Variants in TACR1 observed in about 807,000 individuals in gnomAD.
TACR1 encodes the protein tachykinin receptor 1.
Under a neutral mutation model 35.8 loss-of-function variants are expected in TACR1, and 25 were observed. That is an observed-to-expected ratio of 0.70 (90% CI 0.51 to 0.98). The LOEUF is 0.98. Among genes scored for constraint, TACR1 ranks in the 50% least tolerant of loss-of-function variants. The pLI, the probability that TACR1 is intolerant of heterozygous loss-of-function variation, is 0.00. For synonymous variants in TACR1, 195 were observed against 206.7 expected, an observed-to-expected ratio of 0.94 and a Z score of 0.48; for missense variants, 478 against 522.9, an observed-to-expected ratio of 0.91 and a Z score of 0.84.
At chr2:75,164,395 T>C (rs1307236408) in intron 1 of TACR1, among the ~76,000 whole-genome samples, 1 of 147,672 alleles carries the variant, frequency 6.8e-6, no homozygotes, top group Non-Finnish European at 1.5e-5. Context: ...AATAGAAAAA[T>C]AATTATGACT....
intron 2 of TACR1, among the ~76,000 whole-genome samples, chr2:75,099,453 T>C (rs761983234): frequency 6.7e-6 from 1 of 149,288 alleles, no homozygotes; most frequent in African/African-American, 2.6e-5. Flanking sequence ...CCTCAGACTC[T>C]TCATGTTTTC....
intron 1 of TACR1, chr2:75,188,250 T>C (rs910155492): frequency 9.9e-5 from 15 of 152,234 alleles, no homozygotes; most frequent in Non-Finnish European, 4.4e-5. Flanking sequence ...GTCAGACAAA[T>C]TCTTTTATGA....
intron 1 of TACR1, among the ~76,000 whole-genome samples, chr2:75,159,472 GA>G (rs1674947268): frequency 6.6e-6 from 1 of 152,110 alleles, no homozygotes; most frequent in East Asian, 1.9e-4. Flanking sequence ...GAAACTCCGA[GA>G]ATTCCTCAGT....
intron 1 of TACR1, among the ~76,000 whole-genome samples, chr2:75,174,638 A>G (rs2104026219): frequency 6.6e-6 from 1 of 152,374 alleles, no homozygotes; most frequent in Non-Finnish European, 1.5e-5. Flanking sequence ...AGGGGGGACT[A>G]TTGTAATAGC....
intron 3 of TACR1, among the ~76,000 whole-genome samples, chr2:75,053,154 C>A (rs946397351): frequency 6.6e-6 from 1 of 152,184 alleles, no homozygotes; most frequent in Admixed American, 6.5e-5. Flanking sequence ...AAGAAACTCA[C>A]TCACGCTCTC....
At chr2:75,165,262 C>T (rs1175117310) in intron 1 of TACR1, among the ~76,000 whole-genome samples, 1 of 152,152 alleles carries the variant, frequency 6.6e-6, no homozygotes, top group Admixed American at 6.5e-5. Flanking sequence ...ACTCAAGGGA[C>T]GATGCCCACT....
intron 2 of TACR1, among the ~76,000 whole-genome samples, chr2:75,058,494 T>C (rs1414529511): frequency 2.6e-5 from 4 of 152,148 alleles, no homozygotes; most frequent in African/African-American, 7.2e-5. Context: ...GGGTTAAGGA[T>C]GCACTATAAG....
intron 1 of TACR1, among the ~76,000 whole-genome samples, chr2:75,143,757 C>A (rs933659283): frequency 3.9e-5 from 6 of 152,168 alleles, no homozygotes; most frequent in Admixed American, 1.3e-4. Context: ...AGTATTTGGA[C>A]CCAAGGAGAC....
intron 1 of TACR1, among the ~76,000 whole-genome samples, chr2:75,139,140 T>G (rs1674353313): frequency 6.6e-6 from 1 of 152,214 alleles, no homozygotes; most frequent in African/African-American, 2.4e-5. Context: ...TAACATTTGT[T>G]TAAGCATTCA....
rs1277861489 is a variant in TACR1 at position 75,053,535 on chromosome 2, G to GT, written c.735+69dup. 1.6e-5 allele frequency: 23 copies of GT among 1,438,290 alleles called. No homozygotes were observed. The Admixed American group carries it at 6.0e-4, about 38-fold the overall frequency. The allele number at this position is 1,438,290 out of a possible 1,614,324, so 89.1% of individuals were successfully genotyped here. A position where few individuals can be genotyped will look rare whatever the true frequency, so the allele number is the denominator to read the frequency against. ...TGCTAGCTGCCTCTGGGGCTCACAAGTGTGCCATCCCTTCTCGACAGCCTG... is the reference window on the plus strand; with the variant it reads ...TGCTAGCTGCCTCTGGGGCTCACAAGTTGTGCCATCCCTTCTCGACAGCCTG... On this transcript the variant is annotated intron_variant, in intron 3 of 4. Coordinates refer to ENST00000305249, the MANE Select transcript of TACR1 (RefSeq NM_001058.4).
chr2:75,147,669 T>C (rs1359578522), intron 1 of TACR1, among the ~76,000 whole-genome samples: 4 of 152,170 alleles, frequency 2.6e-5, no homozygotes, highest in African/African-American at 9.7e-5. Flanking sequence ...TGTTTGGTTT[T>C]CTGTTCCTGT....
chr2:75,072,509 A>G (rs1376895454), intron 2 of TACR1, among the ~76,000 whole-genome samples: 1 of 152,182 alleles, frequency 6.6e-6, no homozygotes, highest in African/African-American at 2.4e-5. Flanking sequence ...GAAAAGCCCA[A>G]CTCTAACCCT....
intron 2 of TACR1, among the ~76,000 whole-genome samples, chr2:75,097,622 C>G (rs1342467949): frequency 6.6e-6 from 1 of 152,192 alleles, no homozygotes; most frequent in Non-Finnish European, 1.5e-5. Context: ...CAGTCTCAGG[C>G]ACCCTTCCTA....
rs374945111 is a variant in TACR1 at position 75,049,254 on chromosome 2, A to G, written c.*178T>C. The G allele has an allele frequency of 8.9e-6, 6 of 670,410 alleles. No homozygotes were observed. Among genetic ancestry groups the G allele is most frequent in the Non-Finnish European group, 1.5e-5 (6 of 405,090 alleles). 41.5% of individuals were successfully genotyped at this position (670,410 alleles called of 1,614,324 possible). A position where few individuals can be genotyped will look rare whatever the true frequency, so the allele number is the denominator to read the frequency against. On this transcript the variant is annotated 3_prime_UTR_variant, in exon 5 of 5. Coordinates refer to ENST00000305249, the MANE Select transcript of TACR1 (RefSeq NM_001058.4). The stretch of plus-strand genomic sequence containing the variant: ...CACACAGCATGAGGGTGGCAAAGAT[A>G]GGGAAGAATTGAGATTTTTTGACTC...
chr2:75,073,984 C>A (rs1672929791), intron 2 of TACR1, among the ~76,000 whole-genome samples: 1 of 152,124 alleles, frequency 6.6e-6, no homozygotes, highest in Admixed American at 6.5e-5. Context: ...TGGTACCTAC[C>A]CCTCTCATTC....
intron 1 of TACR1, among the ~76,000 whole-genome samples, chr2:75,168,885 C>G (rs1182073742): frequency 6.6e-6 from 1 of 152,088 alleles, no homozygotes; most frequent in South Asian, 2.1e-4. Context: ...GTTGTAATCA[C>G]CAGAGACTTT....
intron 1 of TACR1, among the ~76,000 whole-genome samples, chr2:75,173,498 T>G (rs1675340837): frequency 6.6e-6 from 1 of 152,228 alleles, no homozygotes; most frequent in Non-Finnish European, 1.5e-5. Flanking sequence ...GGGGTCATTT[T>G]CCATCAAGGA....
intron 2 of TACR1, among the ~76,000 whole-genome samples, chr2:75,108,411 A>G (rs1673691104): frequency 6.6e-6 from 1 of 152,140 alleles, no homozygotes; most frequent in Non-Finnish European, 1.5e-5. Flanking sequence ...ATGCTGATAT[A>G]TTTTTACAAA....
intron 2 of TACR1, among the ~76,000 whole-genome samples, chr2:75,055,181 A>G (rs956066159): frequency 5.3e-5 from 8 of 152,202 alleles, no homozygotes; most frequent in African/African-American, 1.7e-4. Context: ...TTATTCACTC[A>G]ATTTCTCCTT....
Sources: gnomAD v4.1 joint callset for allele counts (sites outside exome capture counted in the v4.1 genomes callset) on GRCh38, gnomAD v4.1.1 for gene constraint, MANE v1.5 for transcripts, NCBI Gene and HGNC (gene_info 2026-07-23, HGNC 2026-07-21) for gene names.